The following SUN1 variants were observed in gnomAD, a reference collection of about 807,000 sequenced individuals.
SUN1 encodes the protein Sad1 and UNC84 domain containing 1.
SUN1 carries 61 observed loss-of-function variants against 103.2 expected under a neutral mutation model. The ratio of observed to expected loss-of-function variants is 0.59; its 90% CI spans 0.48 to 0.73. The LOEUF is 0.73. Ranked by LOEUF, SUN1 falls within the 30% of genes least tolerant of loss-of-function variation. The probability of loss-of-function intolerance (pLI) is 0.00; values close to 1 mark genes in which losing one functional copy is unlikely to be tolerated. For synonymous variants in SUN1, 490 were observed against 425.7 expected (o/e 1.15, Z -1.86); for missense variants, 1,052 against 1,034.6 (o/e 1.02, Z -0.23).
At chr7:848,659 T>C (rs575658775) in intron 5 of SUN1, 3 of 1,271,920 alleles carry the variant, frequency 2.4e-6, no homozygotes, top group South Asian at 2.7e-5. Context: ...AATCACACTT[T>C]CGCAGTGGAG....
chr7:822,077 G>A (rs983199273), intron 1 of SUN1, among the ~76,000 whole-genome samples: 2 of 152,164 alleles, frequency 1.3e-5, no homozygotes, highest in African/African-American at 4.8e-5. Context: ...AGGAGACCAG[G>A]CCTGCTACAT....
At chr7:837,944 C>T (rs1805054979) in intron 1 of SUN1, among the ~76,000 whole-genome samples, 1 of 152,240 alleles carries the variant, frequency 6.6e-6, no homozygotes, top group African/African-American at 2.4e-5. Context: ...CATCAGCATT[C>T]AACATAGCTT....
chr7:820,148 G>C (rs1293580990), intron 1 of SUN1, among the ~76,000 whole-genome samples: 1 of 152,170 alleles, frequency 6.6e-6, no homozygotes, highest in Admixed American at 6.5e-5. Flanking sequence ...TATTGAATCT[G>C]TACATCACTG....
At chr7:867,434 A>G (rs778673684) in intron 16 of SUN1, among the ~76,000 whole-genome samples, 2 of 152,184 alleles carry the variant, frequency 1.3e-5, no homozygotes, top group Admixed American at 6.5e-5. Context: ...TGGCCATAAC[A>G]TCCTTCTCAC....
intron 17 of SUN1, 117 bp downstream of exon 17, chr7:869,633 C>T: frequency 7.9e-7 from 1 of 1,265,722 alleles, no homozygotes; most frequent in South Asian, 1.5e-5. Flanking sequence ...TCCGCCCTCT[C>T]TCAGATTCGG....
chr7:842,492 C>A (rs1329940565), intron 3 of SUN1: 2 of 225,508 alleles, frequency 8.9e-6, no homozygotes, highest in East Asian at 1.3e-4. Context: ...GATGTTTGAA[C>A]AAAGACAATC....
chr7:817,322 C>T (rs888184401), intron 1 of SUN1: 67 of 1,159,124 alleles, frequency 5.8e-5, no homozygotes, highest in Non-Finnish European at 7.8e-5. Context: ...CTCCTAGGCT[C>T]AAGCGATCCC....
chr7:851,898 C>G, intron 6 of SUN1, 52 bp from the exon 7 acceptor site: 3 of 1,584,626 alleles, frequency 1.9e-6, no homozygotes, highest in South Asian at 1.1e-5. Flanking sequence ...CATTTAGGAG[C>G]TTGGTTTTCC....
chr7:866,632 G>A (rs1836945294), intron 16 of SUN1, among the ~76,000 whole-genome samples: 1 of 125,200 alleles, frequency 8.0e-6, no homozygotes, highest in African/African-American at 3.1e-5. Context: ...CCATCTCCCC[G>A]GGCCTTCGCC....
At chr7:869,274 G>C (rs1839724610) in intron 16 of SUN1, 75 bp from the exon 17 acceptor site, 3 of 1,516,260 alleles carry the variant, frequency 2.0e-6, no homozygotes, top group Non-Finnish European at 2.7e-6. Flanking sequence ...AGTATAATCA[G>C]TCTTTCCTCT....
chr7:845,575 GCA>G (rs1166653182), intron 5 of SUN1, among the ~76,000 whole-genome samples: 1 of 150,998 alleles, frequency 6.6e-6, no homozygotes, highest in African/African-American at 2.4e-5. Context: ...TTTCCCCTCT[GCA>G]TACTTATAGT....
At chr7:871,502 C>T (rs2128586734) in intron 17 of SUN1, among the ~76,000 whole-genome samples, 2 of 152,326 alleles carry the variant, frequency 1.3e-5, no homozygotes, top group Admixed American at 1.3e-4. Context: ...ATTCTCCTGC[C>T]TCAGCCTCCC....
chr7:831,021 G>A (rs1055127471), upstream of SUN1: 1,166 of 985,388 alleles, frequency 1.2e-3, no homozygotes, highest in Non-Finnish European at 1.4e-3. Flanking sequence ...GTCCTGTGCC[G>A]GGCTCCTCTG....
chr7:816,753 C>CCGGGGGGA (rs1780780236), intron 1 of SUN1: 1 of 147,058 alleles, frequency 6.8e-6, no homozygotes, highest in Non-Finnish European at 1.5e-5. Flanking sequence ...GGCCCGGGGG[C>CCGGGGGGA]CGGGGGGACG....
chr7:858,403 T>TA (rs897355265), intron 13 of SUN1, among the ~76,000 whole-genome samples: 1 of 145,254 alleles, frequency 6.9e-6, no homozygotes, highest in Non-Finnish European at 1.5e-5. Flanking sequence ...TTTTTTTTTT[T>TA]ACTATATGTG....
intron 11 of SUN1, 77 bp downstream of exon 11, chr7:855,083 C>T: frequency 9.0e-7 from 1 of 1,111,620 alleles, no homozygotes; most frequent in African/African-American, 1.6e-5. Context: ...GCCCTTTGGT[C>T]ATTTAATGTT....
intron 1 of SUN1, among the ~76,000 whole-genome samples, chr7:825,151 C>T (rs1163967993): frequency 1.3e-5 from 2 of 152,052 alleles, no homozygotes; most frequent in Non-Finnish European, 1.5e-5. Context: ...CTCCACCTCC[C>T]GGGTTCACGC....
Position 873,257 on chromosome 7 carries a change from A to G in SUN1, c.2284A>G (p.Ile762Val), listed in dbSNP as rs1842935390. The G allele has an allele frequency of 6.2e-7, 1 of 1,614,112 alleles. No individual in the cohort carries two copies. Among genetic ancestry groups the G allele is most frequent in the Non-Finnish European group, 8.5e-7 (1 of 1,180,020 alleles). The stretch of plus-strand genomic sequence containing the variant: ...AGCTTTCCAAATAGTGGAACTTCGG[A>G]TTTTTTCTAACTGGGGCCATCCTGA... ...DTAFQIVELR[I>V]FSNWGHPEYT... is the part of the protein sequence containing the mutation. Residue 762 changes from isoleucine to valine, a missense_variant, in exon 19 of 19, where the codon ATT (isoleucine) becomes GTT (valine). This residue lies in a region of SUN1 where 206 missense variants were observed against 260.1 expected (regional missense o/e 0.79). Coordinates refer to ENST00000401592, the MANE Select transcript of SUN1 (RefSeq NM_001130965.3).
intron 16 of SUN1, among the ~76,000 whole-genome samples, chr7:867,917 G>C (rs1410008284): frequency 6.6e-6 from 1 of 152,208 alleles, no homozygotes; most frequent in African/African-American, 2.4e-5. Context: ...CTCACCGGGC[G>C]TTTGGCTGCA....
Sources: gnomAD v4.1 joint callset for allele counts (sites outside exome capture counted in the v4.1 genomes callset) on GRCh38, gnomAD v4.1.1 for gene constraint, gnomAD v4.1.1 regional missense constraint, MANE v1.5 for transcripts, NCBI Gene and HGNC (gene_info 2026-07-23, HGNC 2026-07-21) for gene names.